The following NR5A2 variants were observed in gnomAD, a reference collection of about 807,000 sequenced individuals.
NR5A2 encodes nuclear receptor subfamily 5 group A member 2.
NR5A2 carries 26 observed loss-of-function variants against 62.7 expected under a neutral mutation model. The ratio of observed to expected loss-of-function variants is 0.41; its 90% CI spans 0.30 to 0.58. The LOEUF (loss-of-function observed/expected upper bound fraction) is 0.58, where lower values mean the gene tolerates loss of function less well. Among genes scored for constraint, NR5A2 ranks in the 20% least tolerant of loss-of-function variants. NR5A2 has a pLI of 0.22. For missense variants in NR5A2, 541 were observed against 669.1 expected (o/e 0.81, Z 2.11); for synonymous variants, 246 against 241.7 (o/e 1.02, Z -0.16).
In NR5A2 at chr1:200,039,052, A is replaced by G. The variant is rs996599821; in HGVS notation, c.65-606A>G. Among the ~76,000 whole-genome samples the G allele has an allele frequency of 3.3e-5, 5 of 151,736 alleles. No individual in the cohort carries two copies. Among genetic ancestry groups the G allele is most frequent in the Non-Finnish European group, 7.4e-5 (5 of 67,882 alleles). On this transcript the variant is annotated intron_variant, in intron 1 of 7. Coordinates refer to ENST00000367362, the MANE Select transcript of NR5A2 (RefSeq NM_205860.3). This position sits in a 1 kb window ranked among gnomAD's most constrained non-coding sequence, Gnocchi z 5.1. ...AGCACCGTCACCCTCGGGGCTGGGAAGGGCCGTTCTCGGTCCCGCGCGGGG... is the reference window on the plus strand; with the variant it reads ...AGCACCGTCACCCTCGGGGCTGGGAGGGGCCGTTCTCGGTCCCGCGCGGGG...
At chr1:200,056,438 T>A (rs1662919897) in intron 5 of NR5A2, among the ~76,000 whole-genome samples, 1 of 152,230 alleles carries the variant, frequency 6.6e-6, no homozygotes, top group Non-Finnish European at 1.5e-5. Flanking sequence ...GTACAAATGA[T>A]AAAACAGCTC....
intron 5 of NR5A2, among the ~76,000 whole-genome samples, chr1:200,101,966 T>C (rs1665392947): frequency 6.6e-6 from 1 of 152,260 alleles, no homozygotes; most frequent in Non-Finnish European, 1.5e-5. Context: ...GGTGATTATA[T>C]GTTTCTTCAC....
chr1:200,095,461 C>A (rs1665043028), intron 5 of NR5A2, among the ~76,000 whole-genome samples: 1 of 152,140 alleles, frequency 6.6e-6, no homozygotes, highest in Non-Finnish European at 1.5e-5. Context: ...GGCTGGATGT[C>A]CATTGGTGAA....
chr1:200,031,479 A>C (rs999097577), intron 1 of NR5A2, among the ~76,000 whole-genome samples: 2 of 151,906 alleles, frequency 1.3e-5, no homozygotes, highest in Non-Finnish European at 2.9e-5. Flanking sequence ...TGTGCCATTG[A>C]ACTCCAGCCT....
At chr1:200,076,076 C>G (rs1208571919) in intron 5 of NR5A2, among the ~76,000 whole-genome samples, 1 of 152,042 alleles carries the variant, frequency 6.6e-6, no homozygotes, top group Admixed American at 6.6e-5. Context: ...GAACCTCAAC[C>G]CAAGGACATA....
rs1441975334 is a variant in NR5A2, at chr1:200,051,451, G to A, written c.1110+2633G>A. ...TTGGCTAAAACATAAATATCTTTGA[G>A]AATGGGGCATATAAAAGCATTTTTC... On this transcript the variant is annotated intron_variant, in intron 5 of 7. Coordinates refer to ENST00000367362, the MANE Select transcript of NR5A2 (RefSeq NM_205860.3). Among the ~76,000 whole-genome samples, 3 of 152,126 alleles carry A rather than the reference G, an allele frequency of 2.0e-5. No individual in the cohort carries two copies. The East Asian group carries it at 5.8e-4, about 29-fold the overall frequency.
chr1:200,142,090 T>A (rs1258013208), intron 7 of NR5A2, among the ~76,000 whole-genome samples: 4 of 152,048 alleles, frequency 2.6e-5, no homozygotes, highest in Non-Finnish European at 5.9e-5. Context: ...TATCTCACTG[T>A]GCTGCTTTTT....
intron 5 of NR5A2, among the ~76,000 whole-genome samples, chr1:200,076,980 G>A (rs956421642): frequency 3.3e-5 from 5 of 152,134 alleles, no homozygotes; most frequent in Admixed American, 6.5e-5. Flanking sequence ...CTACTTAAAA[G>A]TTAGGTAGAC....
At position 200,039,796 on chromosome 1, in the gene NR5A2, G is replaced by T; in HGVS notation, c.202+1G>T. ...GGCCAGATGCCGGAAAACATGCAAG[G>T]TAAGGAGGCGCCGCGCGGCGCTCCG... On this transcript the variant is annotated splice_donor_variant, in intron 2 of 7. Transcript: ENST00000367362. LOFTEE classifies it high-confidence loss of function. The surrounding 1 kb of genome is among the most constrained non-coding windows in gnomAD (Gnocchi z 5.1). 6.3e-7 allele frequency: 1 copy of T among 1,594,918 alleles called. No homozygotes were observed. Among genetic ancestry groups the T allele is most frequent in the Non-Finnish European group, 8.5e-7 (1 of 1,172,150 alleles).
intron 7 of NR5A2, among the ~76,000 whole-genome samples, chr1:200,170,023 A>G (rs1654098555): frequency 6.6e-6 from 1 of 152,212 alleles, no homozygotes; most frequent in Non-Finnish European, 1.5e-5. Flanking sequence ...GCTATTTAAT[A>G]TGAGAACCAA....
At chr1:200,164,503 A>T (rs988096210) in intron 7 of NR5A2, among the ~76,000 whole-genome samples, 1 of 151,964 alleles carries the variant, frequency 6.6e-6, no homozygotes, top group African/African-American at 2.4e-5. Flanking sequence ...AATATGCACA[A>T]TGTAAAATTT....
In NR5A2 at chr1:200,082,425, T is replaced by C. The variant is rs116588835; in HGVS notation, c.1111-28777T>C. ...TTAGGTGTTTTGCATCATCTGGCCA[T>C]TGGTGTCTTTGTACAGAGTACTTTG... On this transcript the variant is annotated intron_variant, in intron 5 of 7. Transcript: ENST00000367362. Among the ~76,000 whole-genome samples the C allele has an allele frequency of 6.3e-3, 954 of 152,306 alleles. 5 individuals carry two copies. The highest frequency in any genetic ancestry group is 0.022 in the African/African-American group (917 of 41,570).
Position 200,147,677 on chromosome 1 carries a change from G to A in NR5A2, c.1379-26286G>A. On this transcript the variant is annotated intron_variant, in intron 7 of 7. Coordinates refer to ENST00000367362, the MANE Select transcript of NR5A2 (RefSeq NM_205860.3). The surrounding 1 kb of genome is among the most constrained non-coding windows in gnomAD (Gnocchi z 4.9). Reference sequence around the variant, plus strand: ...TTGAAGTCGGACACGTGGAAGACATGGGTGGACTTGGGCTCCGAGGCGATC... The same window carrying A: ...TTGAAGTCGGACACGTGGAAGACATAGGTGGACTTGGGCTCCGAGGCGATC... The A allele has an allele frequency of 2.9e-6, 2 of 689,206 alleles. No homozygotes were observed. Among genetic ancestry groups the A allele is most frequent in the Non-Finnish European group, 5.5e-6 (2 of 364,158 alleles). The allele number at this position is 689,206 out of a possible 1,614,324, so 42.7% of individuals were successfully genotyped here. A position where few individuals can be genotyped will look rare whatever the true frequency, so the allele number is the denominator to read the frequency against.
intron 7 of NR5A2, among the ~76,000 whole-genome samples, chr1:200,159,648 T>TATC (rs1412607132): frequency 7.3e-6 from 1 of 137,012 alleles, no homozygotes; most frequent in Admixed American, 6.9e-5. Context: ...TATTTATTAT[T>TATC]ATTATTATTA....
intron 7 of NR5A2, among the ~76,000 whole-genome samples, chr1:200,149,139 C>G (rs1028694442): frequency 6.6e-6 from 1 of 152,168 alleles, no homozygotes; most frequent in Non-Finnish European, 1.5e-5. Context: ...TCTCAAACTC[C>G]TGACCTCAGG....
intron 1 of NR5A2, among the ~76,000 whole-genome samples, chr1:200,031,911 G>T (rs943400734): frequency 1.3e-5 from 2 of 152,162 alleles, no homozygotes; most frequent in African/African-American, 4.8e-5. Context: ...AACCAAGAGA[G>T]ATTTATAGAG....
In NR5A2 at chr1:200,160,651, G is replaced by A. The variant is rs143420176; in HGVS notation, c.1379-13312G>A. ...TTTTTAACAAGAACTGTTCCACAGC[G>A]CTCTCTTGTAAATTTTATCATACCT... On this transcript the variant is annotated intron_variant, in intron 7 of 7. Transcript: ENST00000367362. Among the ~76,000 whole-genome samples the A allele has an allele frequency of 3.5e-3, 526 of 151,804 alleles. 4 individuals carry two copies. The highest frequency in any genetic ancestry group is 0.012 in the African/African-American group (497 of 41,374).
chr1:200,066,268 A>G (rs1663462295), intron 5 of NR5A2, among the ~76,000 whole-genome samples: 1 of 152,142 alleles, frequency 6.6e-6, no homozygotes, highest in African/African-American at 2.4e-5. Flanking sequence ...TTTGCCAAAA[A>G]GACTTTGAGA....
intron 7 of NR5A2, among the ~76,000 whole-genome samples, chr1:200,133,752 A>G (rs562322897): frequency 3.6e-4 from 54 of 151,964 alleles, no homozygotes; most frequent in African/African-American, 1.3e-3. Context: ...ATTTTAGAGC[A>G]TATTCTTTAT....
Sources: allele counts gnomAD v4.1 joint callset (sites outside exome capture counted in the v4.1 genomes callset), GRCh38; gene constraint gnomAD v4.1.1; non-coding constraint Gnocchi (gnomAD v3.1); transcripts MANE v1.5; gene names NCBI Gene and HGNC (gene_info 2026-07-23, HGNC 2026-07-21).